Variants in TMEM108 observed in about 807,000 individuals in gnomAD.
TMEM108 encodes transmembrane protein 108.
Under a neutral mutation model 35.1 loss-of-function variants are expected in TMEM108, and 12 were observed. That is an observed-to-expected ratio of 0.34 (90% confidence interval 0.22 to 0.55). TMEM108 has a LOEUF of 0.55. Among genes scored for constraint, TMEM108 ranks in the 20% least tolerant of loss-of-function variants. The pLI is 0.89. For missense variants in TMEM108, 680 were observed against 753.3 expected (o/e 0.90, Z 1.14); for synonymous variants, 287 against 308.6 (o/e 0.93, Z 0.73).
chr3:133,312,047 C>A (rs1255117638), intron 3 of TMEM108, among the ~76,000 whole-genome samples: 1 of 152,252 alleles, frequency 6.6e-6, no homozygotes, highest in East Asian at 1.9e-4. Flanking sequence ...GCAGAGGCTG[C>A]AAAACAGCAA....
chr3:133,153,435 A>G (rs535816117), intron 2 of TMEM108, among the ~76,000 whole-genome samples: 19 of 152,294 alleles, frequency 1.2e-4, no homozygotes. Flanking sequence ...TCCCCACAAC[A>G]TCCCTATGAA....
At chr3:133,181,007 T>TGAAAAAAAAA (rs1233098005) in intron 2 of TMEM108, among the ~76,000 whole-genome samples, 1 of 19,882 alleles carries the variant, frequency 5.0e-5, no homozygotes, top group Non-Finnish European at 9.5e-5. Context: ...GGCAGTTGTG[T>TGAAAAAAAAA]TAAAAAAAAA....
intron 2 of TMEM108, among the ~76,000 whole-genome samples, chr3:133,075,442 G>A (rs898098869): frequency 1.3e-5 from 2 of 152,014 alleles, no homozygotes; most frequent in African/African-American, 4.8e-5. Context: ...GGATTTTTTG[G>A]CCATTTCTTT....
chr3:133,394,773 ATT>A (rs2073282184), intron 5 of TMEM108, among the ~76,000 whole-genome samples: 1 of 152,254 alleles, frequency 6.6e-6, no homozygotes, highest in African/African-American at 2.4e-5. Flanking sequence ...CTGAAAAGAC[ATT>A]TTATCAACAA....
chr3:133,176,804 A>G (rs1945238208), intron 2 of TMEM108, among the ~76,000 whole-genome samples: 1 of 152,100 alleles, frequency 6.6e-6, no homozygotes, highest in South Asian at 2.1e-4. Context: ...AAGGCAAGAA[A>G]TAACTAAAAT....
intron 2 of TMEM108, among the ~76,000 whole-genome samples, chr3:133,070,745 A>ATGTGTGTG (rs10530634): frequency 0.07 from 10,339 of 148,314 alleles, 379 homozygotes; most frequent in African/African-American, 0.084. Flanking sequence ...TCTCTGATGT[A>ATGTGTGTG]TGTGTGTGTG....
chr3:133,353,917 T>A (rs570658605), intron 3 of TMEM108, among the ~76,000 whole-genome samples: 1 of 152,318 alleles, frequency 6.6e-6, no homozygotes, highest in South Asian at 2.1e-4. Context: ...TCTTCCAAAC[T>A]TTGTTTCTTG....
intron 2 of TMEM108, among the ~76,000 whole-genome samples, chr3:133,120,387 C>T (rs1944338204): frequency 6.6e-6 from 1 of 152,192 alleles, no homozygotes; most frequent in Non-Finnish European, 1.5e-5. Flanking sequence ...AGTGTGTGTG[C>T]CTCTGTACAT....
intron 1 of TMEM108, among the ~76,000 whole-genome samples, chr3:133,041,007 C>A (rs1384106453): frequency 1.3e-5 from 2 of 152,128 alleles, no homozygotes; most frequent in African/African-American, 4.8e-5. Flanking sequence ...TGAGTACCTT[C>A]CTTAGGACAC....
intron 2 of TMEM108, among the ~76,000 whole-genome samples, chr3:133,164,906 T>C (rs140874906): frequency 0.014 from 2,165 of 152,250 alleles, 51 homozygotes; most frequent in African/African-American, 0.05. Context: ...GAGCATCATA[T>C]TGAAAAAAGT....
chr3:133,091,783 A>G (rs1943949650), intron 2 of TMEM108, among the ~76,000 whole-genome samples: 1 of 152,178 alleles, frequency 6.6e-6, no homozygotes, highest in African/African-American at 2.4e-5. Flanking sequence ...TCCCAGCCTC[A>G]TTTGATTAGG....
In TMEM108 at chr3:133,379,966, A is replaced by C. The variant is rs1576530856; in HGVS notation, c.255A>C (p.Thr85=). The change falls in exon 4 of 6, where the codon ACA becomes ACC. Residue 85 remains threonine (T), a synonymous_variant. Transcript: ENST00000321871. ...CTGCAGCTCCCATGGCAACACCGAC[A>C]CCCCGTGCAGAGGGGCACCCTCCTA... ...SQAAAPMATP[T]PRAEGHPPTH... 2 of 1,612,668 alleles carry C rather than the reference A, an allele frequency of 1.2e-6. No individual in the cohort carries two copies. Among genetic ancestry groups the C allele is most frequent in the Non-Finnish European group, 1.7e-6 (2 of 1,179,574 alleles).
At chr3:133,103,076 A>G (rs564617044) in intron 2 of TMEM108, among the ~76,000 whole-genome samples, 3 of 152,216 alleles carry the variant, frequency 2.0e-5, no homozygotes, top group Non-Finnish European at 4.4e-5. Context: ...CAGCAATTCC[A>G]TTATTAGGTA....
chr3:133,391,277 A>G (rs2073230833), intron 5 of TMEM108, among the ~76,000 whole-genome samples: 1 of 152,226 alleles, frequency 6.6e-6, no homozygotes, highest in Non-Finnish European at 1.5e-5. Flanking sequence ...ACAGAAAGAC[A>G]GACTAAAAAT....
chr3:133,227,501 G>A (rs1256937330), intron 2 of TMEM108, among the ~76,000 whole-genome samples: 1 of 151,088 alleles, frequency 6.6e-6, no homozygotes, highest in Non-Finnish European at 1.5e-5. Flanking sequence ...CCTAAGGAAG[G>A]CCTTTCTAAC....
At chr3:133,257,540 AAAG>A (rs1468988847) in intron 3 of TMEM108, among the ~76,000 whole-genome samples, 2 of 152,204 alleles carry the variant, frequency 1.3e-5, no homozygotes, top group African/African-American at 4.8e-5. Flanking sequence ...AACAAAACCT[AAAG>A]AAGTATTGTG....
At chr3:133,254,444 C>A (rs759680085) in intron 3 of TMEM108, among the ~76,000 whole-genome samples, 1 of 152,180 alleles carries the variant, frequency 6.6e-6, no homozygotes, top group Non-Finnish European at 1.5e-5. Flanking sequence ...TTGGTAACAC[C>A]TTCTGGGACC....
At chr3:133,233,180 T>C (rs1193761465) in intron 3 of TMEM108, among the ~76,000 whole-genome samples, 1 of 152,066 alleles carries the variant, frequency 6.6e-6, no homozygotes, top group Non-Finnish European at 1.5e-5. Context: ...CCTAAAGCTA[T>C]CCCTCCCCGC....
intron 3 of TMEM108, among the ~76,000 whole-genome samples, chr3:133,255,200 A>G (rs1194825587): frequency 6.6e-6 from 1 of 152,204 alleles, no homozygotes; most frequent in Non-Finnish European, 1.5e-5. Context: ...GAGGATTGGC[A>G]AGGTTCTGAG....
Sources: gnomAD v4.1 joint callset for allele counts (sites outside exome capture counted in the v4.1 genomes callset) on GRCh38, gnomAD v4.1.1 for gene constraint, MANE v1.5 for transcripts, NCBI Gene and HGNC (gene_info 2026-07-23, HGNC 2026-07-21) for gene names.